The following HS6ST3 variants were observed in gnomAD, a reference collection of about 807,000 sequenced individuals.
The protein encoded by HS6ST3 is heparan sulfate 6-O-sulfotransferase 3, also known as heparan-sulfate 6-O-sulfotransferase 3.
Under a neutral mutation model 36.7 loss-of-function variants are expected in HS6ST3, and 12 were observed. The ratio of observed to expected loss-of-function variants is 0.33; its 90% CI spans 0.21 to 0.53. HS6ST3 has a LOEUF of 0.53. HS6ST3 is among the 20% of genes least tolerant of loss of function. The pLI is 0.95. For missense variants in HS6ST3, 584 were observed against 640.9 expected (o/e 0.91, Z 0.96); for synonymous variants, 240 against 257.5 (o/e 0.93, Z 0.65).
chr13:96,387,516 A>G (rs886157337), intron 1 of HS6ST3, among the ~76,000 whole-genome samples: 1 of 152,188 alleles, frequency 6.6e-6, no homozygotes, highest in Non-Finnish European at 1.5e-5. Flanking sequence ...TTCTTTTGGA[A>G]ATAAATAAAA....
chr13:96,693,397 C>T (rs564625353), intron 1 of HS6ST3, among the ~76,000 whole-genome samples: 1 of 152,212 alleles, frequency 6.6e-6, no homozygotes, highest in South Asian at 2.1e-4. Context: ...TTCCACCTCC[C>T]GGGTTCAAGG....
chr13:96,833,094 C>T lies in HS6ST3; in HGVS notation c.1312C>T (p.Arg438Trp), dbSNP rs772945372. 9.3e-6 allele frequency: 15 copies of T among 1,608,782 alleles called. No individual in the cohort carries two copies. Among genetic ancestry groups the T allele is most frequent in the East Asian group, 4.5e-5 (2 of 44,880 alleles). ...QRDRQKRREE[R>W]RLQREHRDHQ... The stretch of plus-strand genomic sequence containing the variant: ...GGACCGCCAGAAGCGGCGGGAGGAG[C>T]GGAGGCTGCAGCGAGAGCACAGGGA... Residue 438 changes from arginine to tryptophan, a missense_variant, in exon 2 of 2, where the codon CGG becomes TGG. By Grantham distance (101) the Arg-to-Trp change is moderately radical (BLOSUM62 -3). This residue lies in a region of HS6ST3 where 360 missense variants were observed against 411.3 expected (regional missense o/e 0.88). Transcript: ENST00000376705.
At chr13:96,129,354 C>G (rs527914981) in intron 1 of HS6ST3, among the ~76,000 whole-genome samples, 1 of 152,182 alleles carries the variant, frequency 6.6e-6, no homozygotes, top group African/African-American at 2.4e-5. Context: ...ATCCAGGTAA[C>G]CTGATAACTG....
intron 1 of HS6ST3, among the ~76,000 whole-genome samples, chr13:96,783,009 T>G (rs1877562632): frequency 1.3e-5 from 2 of 152,088 alleles, no homozygotes; most frequent in African/African-American, 2.4e-5. Context: ...CTGAAATAAT[T>G]CACAAATAAG....
intron 1 of HS6ST3, among the ~76,000 whole-genome samples, chr13:96,721,238 G>A (rs991931113): frequency 6.6e-6 from 1 of 152,086 alleles, no homozygotes. Context: ...ACAAGACACA[G>A]CATTTTTATA....
intron 1 of HS6ST3, among the ~76,000 whole-genome samples, chr13:96,313,498 C>G (rs535628778): frequency 6.6e-6 from 1 of 152,196 alleles, no homozygotes; most frequent in South Asian, 2.1e-4. Flanking sequence ...GCACTCATTT[C>G]ATTTTGTCTT....
intron 1 of HS6ST3, among the ~76,000 whole-genome samples, chr13:96,693,250 T>C (rs1448062704): frequency 6.6e-6 from 1 of 152,152 alleles, no homozygotes; most frequent in Non-Finnish European, 1.5e-5. Context: ...CCTTCTCTAA[T>C]GTTTGATAGA....
intron 1 of HS6ST3, among the ~76,000 whole-genome samples, chr13:96,121,327 C>T (rs747608347): frequency 2.0e-5 from 3 of 152,102 alleles, no homozygotes; most frequent in Non-Finnish European, 4.4e-5. Flanking sequence ...ATTAGAGGCT[C>T]ATTAAGGAGC....
At chr13:96,809,864 C>T (rs1318829628) in intron 1 of HS6ST3, among the ~76,000 whole-genome samples, 2 of 152,180 alleles carry the variant, frequency 1.3e-5, no homozygotes, top group Non-Finnish European at 2.9e-5. Context: ...CACCTTCCTC[C>T]CTGAGGCTTA....
chr13:96,465,595 GGA>G, intron 1 of HS6ST3, among the ~76,000 whole-genome samples: 1 of 152,072 alleles, frequency 6.6e-6, no homozygotes, highest in East Asian at 1.9e-4. Context: ...TTAGACTCAT[GGA>G]GAGAGAGAGG....
intron 1 of HS6ST3, among the ~76,000 whole-genome samples, chr13:96,744,377 A>C (rs1453249112): frequency 1.3e-5 from 2 of 152,100 alleles, no homozygotes; most frequent in Non-Finnish European, 2.9e-5. Context: ...AAACTAAGAG[A>C]TTTTAAAGTG....
At chr13:96,730,775 C>A (rs1876131016) in intron 1 of HS6ST3, among the ~76,000 whole-genome samples, 1 of 152,108 alleles carries the variant, frequency 6.6e-6, no homozygotes, top group Non-Finnish European at 1.5e-5. Flanking sequence ...ACTCTGTGGT[C>A]CAGGCTGGAG....
intron 1 of HS6ST3, among the ~76,000 whole-genome samples, chr13:96,097,366 A>G (rs565401354): frequency 2.6e-5 from 4 of 152,152 alleles, no homozygotes; most frequent in Admixed American, 6.5e-5. Flanking sequence ...TTTGAAAGTT[A>G]TTTATGCTTG....
intron 1 of HS6ST3, among the ~76,000 whole-genome samples, chr13:96,154,626 A>G (rs528810294): frequency 3.7e-4 from 56 of 152,276 alleles, no homozygotes; most frequent in African/African-American, 1.3e-3. Context: ...TAATAGATGA[A>G]CAGATAAAGA....
chr13:96,420,493 T>C (rs917046096), intron 1 of HS6ST3, among the ~76,000 whole-genome samples: 2 of 152,220 alleles, frequency 1.3e-5, no homozygotes, highest in Non-Finnish European at 2.9e-5. Context: ...GAAAAATTTA[T>C]TTTGCTTATT....
chr13:96,134,917 G>A (rs1349709289), intron 1 of HS6ST3, among the ~76,000 whole-genome samples: 1 of 152,086 alleles, frequency 6.6e-6, no homozygotes, highest in Admixed American at 6.6e-5. Context: ...TTCTTTTCTT[G>A]CATCCCATAT....
intron 1 of HS6ST3, among the ~76,000 whole-genome samples, chr13:96,377,494 G>A (rs2055320599): frequency 6.6e-6 from 1 of 152,088 alleles, no homozygotes; most frequent in African/African-American, 2.4e-5. Flanking sequence ...AAGTATTTTT[G>A]CTATATTATT....
intron 1 of HS6ST3, among the ~76,000 whole-genome samples, chr13:96,804,201 A>G (rs1878146734): frequency 6.6e-6 from 1 of 152,114 alleles, no homozygotes; most frequent in Non-Finnish European, 1.5e-5. Flanking sequence ...CTGGAAGGCC[A>G]GAATTGGGAA....
intron 1 of HS6ST3, among the ~76,000 whole-genome samples, chr13:96,417,749 CACACACACACAT>C (rs1384153389): frequency 6.6e-6 from 1 of 151,352 alleles, no homozygotes; most frequent in East Asian, 1.9e-4. Context: ...CACACACACA[CACACACACACAT>C]AATAGTCTAT....
Sources: allele counts gnomAD v4.1 joint callset (sites outside exome capture counted in the v4.1 genomes callset), GRCh38; gene constraint gnomAD v4.1.1; regional missense constraint gnomAD v4.1.1; transcripts MANE v1.5; gene names NCBI Gene and HGNC (gene_info 2026-07-23, HGNC 2026-07-21).